FAM174B: variants seen among roughly 807,000 people sequenced by gnomAD.
FAM174B encodes membrane protein FAM174B.
FAM174B carries 12 observed loss-of-function variants against 10.9 expected under a neutral mutation model. The observed-to-expected ratio is 1.10, with a 90% CI of 0.71 to 1.79. The LOEUF (loss-of-function observed/expected upper bound fraction) is 1.79. Among genes scored for constraint, FAM174B ranks in the 40% most tolerant of loss-of-function variants. The pLI is 0.00. For synonymous variants in FAM174B, 132 were observed against 115.8 expected, an observed-to-expected ratio of 1.14 and a Z score of -0.90; for missense variants, 266 against 233.3, an observed-to-expected ratio of 1.14 and a Z score of -0.91.
In FAM174B at chr15:92,637,801, AT is replaced by A. The variant is rs560328778; in HGVS notation, c.345-7457del. 2.8e-3 allele frequency among the ~76,000 whole-genome samples: 423 copies of A among 152,276 alleles called. 2 individuals carry two copies. Among genetic ancestry groups the A allele is most frequent in the African/African-American group, 9.4e-3 (392 of 41,540 alleles). ...ACTACACGGCTGTGATGAAGCTGAA[AT>A]CCCCTGGGTCCATTCGTGGGCAGTG... On this transcript the variant is annotated intron_variant, in intron 1 of 2. Transcript: ENST00000327355.
chr15:92,651,802 G>T (rs1300806738), intron 1 of FAM174B, among the ~76,000 whole-genome samples: 2 of 152,200 alleles, frequency 1.3e-5, no homozygotes, highest in African/African-American at 4.8e-5. Flanking sequence ...TAGTGCAGTG[G>T]AAAATGTACA....
intron 1 of FAM174B, among the ~76,000 whole-genome samples, chr15:92,645,875 C>T (rs974154126): frequency 6.6e-6 from 1 of 152,152 alleles, no homozygotes. Context: ...ACCACCCACT[C>T]CTTCTAGGCA....
In FAM174B at chr15:92,630,932, A is replaced by G. The variant is rs1314318031; in HGVS notation, c.345-587T>C. Among the ~76,000 whole-genome samples, 2 of 27,162 alleles carry G rather than the reference A, an allele frequency of 7.4e-5. 1 individual carries two copies. The highest frequency in any genetic ancestry group is 1.8e-4 in the Non-Finnish European group (2 of 11,134). 17.8% of individuals were successfully genotyped at this position (27,162 alleles called of 152,430 possible). On this transcript the variant is annotated intron_variant, in intron 1 of 2. Coordinates refer to ENST00000327355, the MANE Select transcript of FAM174B (RefSeq NM_207446.3). ...ATATATTATATATTACGTATTACAT[A>G]TTACATATTATATATTATATATTAC...
intron 1 of FAM174B, among the ~76,000 whole-genome samples, chr15:92,635,063 T>C (rs1236427788): frequency 6.6e-6 from 1 of 151,790 alleles, no homozygotes; most frequent in East Asian, 1.9e-4. Context: ...CCTGTCAGCC[T>C]CCATAATCAC....
intron 1 of FAM174B, among the ~76,000 whole-genome samples, chr15:92,637,763 G>A (rs1273654499): frequency 6.6e-6 from 1 of 152,196 alleles, no homozygotes; most frequent in Non-Finnish European, 1.5e-5. Context: ...ATGAGCCTGA[G>A]GCAAAGGCAG....
chr15:92,638,475 C>A lies in FAM174B; in HGVS notation c.345-8130G>T, dbSNP rs558197964. Among the ~76,000 whole-genome samples the A allele has an allele frequency of 3.9e-5, 6 of 152,326 alleles. No homozygotes were observed. The East Asian group carries it at 7.7e-4, about 20-fold the overall frequency. On this transcript the variant is annotated intron_variant, in intron 1 of 2. Coordinates refer to ENST00000327355, the MANE Select transcript of FAM174B (RefSeq NM_207446.3). ...CCCTGGCAGCCTACAGAGGGGGAGG[C>A]CTTCCTTCCTCGCCCTCACCCACGA...
intron 1 of FAM174B, among the ~76,000 whole-genome samples, 178 bp from the exon 2 acceptor site, chr15:92,630,523 C>G (rs988655275): frequency 1.3e-5 from 2 of 151,900 alleles, no homozygotes; most frequent in African/African-American, 4.8e-5. Context: ...TCCAGCCTGG[C>G]TGCTGAGACT....
At chr15:92,630,681 A>AATATATATTTTAT (rs1225154392) in intron 1 of FAM174B, among the ~76,000 whole-genome samples, 1 of 145,602 alleles carries the variant, frequency 6.9e-6, no homozygotes, top group East Asian at 2.0e-4. Context: ...ACACAAATGC[A>AATATATATTTTAT]ATATATATTT....
chr15:92,637,027 T>C (rs1193558168), intron 1 of FAM174B, among the ~76,000 whole-genome samples: 3 of 152,212 alleles, frequency 2.0e-5, no homozygotes, highest in African/African-American at 4.8e-5. Flanking sequence ...TCCCTCCTTT[T>C]GGCATCTGTA....
chr15:92,641,685 G>T (rs1483494974), intron 1 of FAM174B, among the ~76,000 whole-genome samples: 1 of 152,056 alleles, frequency 6.6e-6, no homozygotes, highest in Non-Finnish European at 1.5e-5. Flanking sequence ...ATATAAGTAT[G>T]TAAGACTTAT....
At chr15:92,624,177 G>A (rs2050738280) in intron 2 of FAM174B, among the ~76,000 whole-genome samples, 2 of 152,360 alleles carry the variant, frequency 1.3e-5, no homozygotes, top group African/African-American at 4.8e-5. Context: ...CATTCTGCAA[G>A]GAAGAGGACT....
Position 92,619,029 on chromosome 15 carries a change from G to GCCGTATCATTA in FAM174B, c.*426_*427insTAATGATACGG. 1 of 434,034 alleles carries GCCGTATCATTA rather than the reference G, an allele frequency of 2.3e-6. No homozygotes were observed. The highest frequency in any genetic ancestry group is 3.8e-5 in the Admixed American group (1 of 26,464). The allele number at this position is 434,034 out of a possible 1,614,324, so 26.9% of individuals were successfully genotyped here. ...TCCAATGTGTAGATCCAGTAGAGAA[G>GCCGTATCATTA]AATGTCGGAAATTCTAAATACACAG... On this transcript the variant is annotated 3_prime_UTR_variant, in exon 3 of 3. Transcript: ENST00000327355.
At chr15:92,630,549 G>A (rs1025619927) in intron 1 of FAM174B, among the ~76,000 whole-genome samples, 7 of 151,924 alleles carry the variant, frequency 4.6e-5, no homozygotes, top group East Asian at 1.9e-4. Flanking sequence ...CAGGAGATTC[G>A]GTTAACACCC....
rs1301267515 is a variant in FAM174B at position 92,618,828 on chromosome 15, C to CT, written c.*627dup. ...CTAGCCACGCTGATTTCTGCTGAACCTTTTTTTTTTTTAAAAAAAAAAAAA... is the reference window on the plus strand; with the variant it reads ...CTAGCCACGCTGATTTCTGCTGAACCTTTTTTTTTTTTTAAAAAAAAAAAAA... On this transcript the variant is annotated 3_prime_UTR_variant, in exon 3 of 3. Transcript: ENST00000327355. 0.086 allele frequency: 11,985 copies of CT among 139,542 alleles called. 752 individuals carry two copies. Among genetic ancestry groups the CT allele is most frequent in the East Asian group, 0.26 (1,241 of 4,804 alleles). 8.6% of individuals were successfully genotyped at this position (139,542 alleles called of 1,614,324 possible). A position where few individuals can be genotyped will look rare whatever the true frequency, so the allele number is the denominator to read the frequency against.
chr15:92,655,368 C>G lies in FAM174B; in HGVS notation c.292G>C (p.Ala98Pro), dbSNP rs1315108729. ...ATGAGGAGGGTGGTAAAGGCGAACG[C>G]CACGATCACGGCTGCCTTGAGGGTG... ...LPTLKAAVIV[A>P]FAFTTLLIAC... Residue 98 changes from alanine (A) to proline (P), a missense_variant, in exon 1 of 3, where the codon GCG becomes CCG. Transcript: ENST00000327355. The G allele has an allele frequency of 6.3e-7, 1 of 1,591,108 alleles. No homozygotes were observed. Among genetic ancestry groups the G allele is most frequent in the Non-Finnish European group, 8.6e-7 (1 of 1,169,522 alleles).
At chr15:92,624,965 C>G (rs376951714) in intron 2 of FAM174B, among the ~76,000 whole-genome samples, 106 of 152,290 alleles carry the variant, frequency 7.0e-4, no homozygotes, top group African/African-American at 2.4e-3. Context: ...CAAAGAGGCC[C>G]AGAGCATCCA....
intron 1 of FAM174B, among the ~76,000 whole-genome samples, chr15:92,635,911 T>A (rs2050852949): frequency 6.6e-6 from 1 of 152,168 alleles, no homozygotes; most frequent in Admixed American, 6.5e-5. Flanking sequence ...GAATTCTTCC[T>A]TTACTAACTA....
At chr15:92,642,457 G>A (rs1269250386) in intron 1 of FAM174B, among the ~76,000 whole-genome samples, 12 of 152,188 alleles carry the variant, frequency 7.9e-5, no homozygotes, top group Non-Finnish European at 4.4e-5. Flanking sequence ...AGCTCATCTT[G>A]AATTGTAGTT....
chr15:92,635,015 C>T (rs1199618522), intron 1 of FAM174B, among the ~76,000 whole-genome samples: 2 of 152,166 alleles, frequency 1.3e-5, no homozygotes, highest in Non-Finnish European at 2.9e-5. Context: ...ACCATCAGCC[C>T]TCCTGGGTCT....
Sources: allele counts gnomAD v4.1 joint callset (sites outside exome capture counted in the v4.1 genomes callset), GRCh38; gene constraint gnomAD v4.1.1; transcripts MANE v1.5; gene names NCBI Gene and HGNC (gene_info 2026-07-23, HGNC 2026-07-21).